SAMMSON: variants seen among roughly 807,000 people sequenced by gnomAD.
SAMMSON encodes long intergenic non-protein coding RNA 1212.
chr3:70,212,515 C>T (rs1701361206), intron 4 of SAMMSON, among the ~76,000 whole-genome samples: 2 of 152,090 alleles, frequency 1.3e-5, no homozygotes, highest in Admixed American at 6.6e-5. Flanking sequence ...ATTCTTCCTA[C>T]TAAACATCTC....
At chr3:70,398,517 C>T in intron 2 of SAMMSON, among the ~76,000 whole-genome samples, 1 of 152,144 alleles carries the variant, frequency 6.6e-6, no homozygotes, top group East Asian at 1.9e-4. Context: ...TTCTGAACAG[C>T]ACACATCTTT....
chr3:70,292,106 C>T (rs999893447), intron 7 of SAMMSON: 1 of 152,148 alleles, frequency 6.6e-6, no homozygotes, highest in African/African-American at 2.4e-5. Context: ...TTCAGTCTCT[C>T]CTGTTGTACT....
chr3:70,229,991 A>G (rs1701543168), intron 4 of SAMMSON, among the ~76,000 whole-genome samples: 1 of 152,194 alleles, frequency 6.6e-6, no homozygotes, highest in Non-Finnish European at 1.5e-5. Context: ...ATTTGTACAA[A>G]GTATAATATA....
chr3:70,394,746 AC>A (rs1414183042), downstream of SAMMSON, among the ~76,000 whole-genome samples: 1 of 152,114 alleles, frequency 6.6e-6, no homozygotes, highest in African/African-American at 2.4e-5. Context: ...TCACGTCCAA[AC>A]TTTTCAGACA....
intron 3 of SAMMSON, chr3:70,065,215 T>C (rs1360224967): frequency 6.6e-6 from 1 of 152,072 alleles, no homozygotes; most frequent in Non-Finnish European, 1.5e-5. Flanking sequence ...ACAAAAGAGG[T>C]CACTGGTCTT....
intron 9 of SAMMSON, among the ~76,000 whole-genome samples, chr3:70,386,720 A>G (rs1490351411): frequency 6.6e-6 from 1 of 152,078 alleles, no homozygotes; most frequent in African/African-American, 2.4e-5. Flanking sequence ...GTTCCAGGGG[A>G]GGTACATGAG....
chr3:70,202,131 C>G (rs1220668637), intron 4 of SAMMSON, among the ~76,000 whole-genome samples: 2 of 152,088 alleles, frequency 1.3e-5, no homozygotes, highest in Non-Finnish European at 2.9e-5. Context: ...AGTGGTCTAT[C>G]TGATAGTGAT....
intron 6 of SAMMSON, among the ~76,000 whole-genome samples, chr3:70,257,337 A>G (rs919327317): frequency 2.6e-5 from 4 of 152,114 alleles, no homozygotes; most frequent in African/African-American, 4.8e-5. Flanking sequence ...CCCTTTTTGG[A>G]TCATGGGTTT....
chr3:70,236,180 T>A (rs1282039441), intron 4 of SAMMSON, among the ~76,000 whole-genome samples: 1 of 152,186 alleles, frequency 6.6e-6, no homozygotes, highest in Non-Finnish European at 1.5e-5. Flanking sequence ...AGATGACTGC[T>A]AAATCCAAAC....
At chr3:70,313,682 T>C (rs1469499027) in intron 7 of SAMMSON, among the ~76,000 whole-genome samples, 1 of 152,114 alleles carries the variant, frequency 6.6e-6, no homozygotes, top group East Asian at 1.9e-4. Context: ...TGGACAATTG[T>C]CCATTATCAG....
At chr3:70,290,955 T>A (rs539570297) in intron 6 of SAMMSON, among the ~76,000 whole-genome samples, 1 of 152,268 alleles carries the variant, frequency 6.6e-6, no homozygotes, top group East Asian at 1.9e-4. Flanking sequence ...CTGAGCCCAC[T>A]GTCTGGCACT....
intron 4 of SAMMSON, among the ~76,000 whole-genome samples, chr3:70,095,050 G>T (rs947176061): frequency 2.0e-5 from 3 of 152,134 alleles, no homozygotes; most frequent in Non-Finnish European, 2.9e-5. Flanking sequence ...AAAATTTGGG[G>T]TCAGCATGAA....
At chr3:70,363,034 G>A (rs2106741034) in intron 9 of SAMMSON, among the ~76,000 whole-genome samples, 1 of 151,898 alleles carries the variant, frequency 6.6e-6, no homozygotes, top group East Asian at 1.9e-4. Context: ...TGGACTAACA[G>A]ATAGACCATA....
In SAMMSON at chr3:70,402,814, A is replaced by C. The variant is rs1701151200; in HGVS notation, n.233+44490A>C. On this transcript the variant is annotated intron_variant and non_coding_transcript_variant, in intron 2 of 3. Coordinates refer to the SAMMSON transcript ENST00000641053. The stretch of plus-strand genomic sequence containing the variant: ...GAGGCGGAGGTTGCAATGAGCCGAG[A>C]TTGTACCACTGCACTCCAGCATGAG... 3.3e-5 allele frequency among the ~76,000 whole-genome samples: 5 copies of C among 152,122 alleles called. 1 individual carries two copies. The highest frequency in any genetic ancestry group is 7.4e-5 in the Non-Finnish European group (5 of 68,026).
intron 7 of SAMMSON, among the ~76,000 whole-genome samples, chr3:70,314,058 C>A (rs191756991): frequency 2.6e-5 from 4 of 152,272 alleles, no homozygotes; most frequent in Admixed American, 6.5e-5. Flanking sequence ...TCATCTCTCT[C>A]ACCTGGAGAT....
intron 1 of SAMMSON, among the ~76,000 whole-genome samples, chr3:70,001,947 G>T (rs1416363459): frequency 1.3e-5 from 2 of 152,144 alleles, no homozygotes; most frequent in African/African-American, 2.4e-5. Flanking sequence ...AATTCATTTT[G>T]TTTTGCTTGC....
chr3:70,093,938 C>T (rs1185921733), intron 4 of SAMMSON, among the ~76,000 whole-genome samples: 3 of 152,236 alleles, frequency 2.0e-5, no homozygotes, highest in Non-Finnish European at 2.9e-5. Context: ...GGACGTTTTG[C>T]AACCCCTAAC....
intron 7 of SAMMSON, among the ~76,000 whole-genome samples, chr3:70,343,772 G>C (rs944315312): frequency 1.3e-5 from 2 of 151,962 alleles, no homozygotes; most frequent in South Asian, 2.1e-4. Context: ...CTTGAAGGTA[G>C]ATTATCTAAA....
Position 70,410,099 on chromosome 3 carries a change from A to G in SAMMSON, n.233+51775A>G, listed in dbSNP as rs185484433. 3.9e-5 allele frequency among the ~76,000 whole-genome samples: 6 copies of G among 152,238 alleles called. No individual in the cohort carries two copies. The East Asian group carries it at 1.2e-3, about 29-fold the overall frequency. On this transcript the variant is annotated intron_variant and non_coding_transcript_variant, in intron 2 of 3. Coordinates refer to the SAMMSON transcript ENST00000641053. Reference sequence around the variant, plus strand: ...TTGATCCACAAGCCTCAGGCTTCTGAACTGAAAAATCTTTTCCCCCTAAAC... The same window carrying G: ...TTGATCCACAAGCCTCAGGCTTCTGGACTGAAAAATCTTTTCCCCCTAAAC...
Sources: allele counts gnomAD v4.1 joint callset (sites outside exome capture counted in the v4.1 genomes callset), GRCh38; gene constraint gnomAD v4.1.1; transcripts MANE v1.5; gene names NCBI Gene and HGNC (gene_info 2026-07-23, HGNC 2026-07-21).